Variants in BAIAP2 observed in about 807,000 individuals in gnomAD.
BAIAP2 encodes BAR/IMD domain containing adaptor protein 2.
In BAIAP2, 18 loss-of-function variants were observed where a neutral mutation model predicts 63.0. The ratio of observed to expected loss-of-function variants is 0.29; its 90% CI spans 0.20 to 0.42. The LOEUF (loss-of-function observed/expected upper bound fraction) is 0.42. BAIAP2 is among the 10% of genes least tolerant of loss of function. The pLI is 1.00. For missense variants in BAIAP2, 610 were observed against 734.3 expected (o/e 0.83, Z 1.96); for synonymous variants, 386 against 307.6 (o/e 1.25, Z -2.67).
intron 3 of BAIAP2, among the ~76,000 whole-genome samples, chr17:81,062,917 C>G (rs1182443310): frequency 2.7e-5 from 4 of 147,722 alleles, no homozygotes; most frequent in East Asian, 4.0e-4. Flanking sequence ...TTACTTCCCC[C>G]CCGCCCCCCC....
At chr17:81,112,408 G>A (rs2060025165) in intron 13 of BAIAP2, among the ~76,000 whole-genome samples, 1 of 152,230 alleles carries the variant, frequency 6.6e-6, no homozygotes, top group African/African-American at 2.4e-5. Flanking sequence ...AGCTGGGATT[G>A]GGGGTGTCGA....
chr17:81,085,062 C>G (rs146503123), intron 4 of BAIAP2, 169 bp downstream of exon 4: 2 of 701,316 alleles, frequency 2.9e-6, no homozygotes, highest in Non-Finnish European at 4.9e-6. Flanking sequence ...AGGAGGACGT[C>G]GGAGAAAAGG....
chr17:81,116,062 C>T lies in BAIAP2; in HGVS notation c.*223C>T, dbSNP rs2060512668. 3 of 1,470,094 alleles carry T rather than the reference C, an allele frequency of 2.0e-6. No homozygotes were observed. The highest frequency in any genetic ancestry group is 2.7e-6 in the Non-Finnish European group (3 of 1,114,308). 91.1% of individuals were successfully genotyped at this position (1,470,094 alleles called of 1,614,324 possible). A position where few individuals can be genotyped will look rare whatever the true frequency, so the allele number is the denominator to read the frequency against. On this transcript the variant is annotated 3_prime_UTR_variant, in exon 14 of 14. Coordinates refer to ENST00000428708, the MANE Select transcript of BAIAP2 (RefSeq NM_001144888.2). ...GGGCGAGACCCAGTGGCTGGGCTGC[C>T]CAGGGCTGAGGGGCCGCCTCTTGAG...
chr17:81,101,610 C>T (rs1249335557), intron 7 of BAIAP2, among the ~76,000 whole-genome samples: 1 of 151,288 alleles, frequency 6.6e-6, no homozygotes, highest in African/African-American at 2.4e-5. Flanking sequence ...CCACCCACCA[C>T]ACTCTCATGT....
rs150077747 is a variant in BAIAP2 at position 81,036,592 on chromosome 17, C to T, written c.54+1284C>T. On this transcript the variant is annotated intron_variant, in intron 1 of 13. Transcript: ENST00000428708. ...TTCAATAAAGCTTGTGAAGTTGGGG[C>T]CGCGTCAGTCTGGAAGGTTTCTGAA... 5.0e-3 allele frequency among the ~76,000 whole-genome samples: 756 copies of T among 152,336 alleles called. 1 individual carries two copies. The highest frequency in any genetic ancestry group is 0.02 in the Middle Eastern group (6 of 294).
chr17:81,078,568 C>T (rs1281389446), intron 3 of BAIAP2, among the ~76,000 whole-genome samples: 4 of 140,154 alleles, frequency 2.9e-5, no homozygotes, highest in African/African-American at 1.1e-4. Flanking sequence ...GTGCAGGTGC[C>T]ATCTCCGAGC....
rs564869540 is a variant in BAIAP2, at chr17:81,104,471, G to A, written c.1067-43G>A. 4.0e-5 allele frequency: 62 copies of A among 1,538,826 alleles called. 1 individual carries two copies. The South Asian group carries it at 5.7e-4, about 14-fold the overall frequency. ...CAGACTCCCTGGGCTTTGCTGCCCC[G>A]CCAGCCAGGGGCAGTCCCCTTACCT... On this transcript the variant is annotated intron_variant, in intron 9 of 13. Transcript: ENST00000428708.
At chr17:81,094,965 G>C (rs892264220) in intron 6 of BAIAP2, among the ~76,000 whole-genome samples, 1 of 152,238 alleles carries the variant, frequency 6.6e-6, no homozygotes, top group East Asian at 1.9e-4. Flanking sequence ...AGCCGCCTTG[G>C]TTTTTTCTGG....
intron 3 of BAIAP2, among the ~76,000 whole-genome samples, chr17:81,071,896 G>A (rs760763186): frequency 3.3e-5 from 5 of 152,204 alleles, no homozygotes; most frequent in Admixed American, 6.5e-5. Context: ...CGGAGGCGCC[G>A]GAGCATGCAG....
intron 3 of BAIAP2, among the ~76,000 whole-genome samples, chr17:81,074,421 A>G (rs2053265649): frequency 7.2e-6 from 1 of 138,910 alleles, no homozygotes; most frequent in African/African-American, 2.7e-5. Flanking sequence ...GATGCGTGTG[A>G]GTACGTGTGT....
intron 7 of BAIAP2, among the ~76,000 whole-genome samples, chr17:81,100,621 C>T (rs1279940675): frequency 6.6e-6 from 1 of 152,176 alleles, no homozygotes; most frequent in Non-Finnish European, 1.5e-5. Flanking sequence ...CACTGGGCCC[C>T]TAGGCCACCC....
chr17:81,103,273 G>C (rs1229909194), intron 7 of BAIAP2, among the ~76,000 whole-genome samples: 1 of 152,242 alleles, frequency 6.6e-6, no homozygotes, highest in Non-Finnish European at 1.5e-5. Context: ...CTCATCCCTG[G>C]AGGTCCCCCG....
intron 3 of BAIAP2, among the ~76,000 whole-genome samples, chr17:81,058,549 C>T (rs2050014676): frequency 6.6e-6 from 1 of 152,220 alleles, no homozygotes; most frequent in South Asian, 2.1e-4. Flanking sequence ...CTTCCACAGT[C>T]CCCTCACCTA....
rs60972273 is a variant in BAIAP2, at chr17:81,057,973, ACCCCCCC to A, written c.217+16_217+22del. 147 of 765,542 alleles carry A rather than the reference ACCCCCCC, an allele frequency of 1.9e-4. 3 individuals carry two copies. The highest frequency in any genetic ancestry group is 6.2e-4 in the African/African-American group (14 of 22,708). 47.4% of individuals were successfully genotyped at this position (765,542 alleles called of 1,614,324 possible). ...CCAGGGCTCCAAAGAACTCGGTGAG[ACCCCCCC>A]CCCCCCCCCGCCTGGTAGTCGCCTG... On this transcript the variant is annotated splice_region_variant and intron_variant, in intron 3 of 13. Transcript: ENST00000428708.
intron 13 of BAIAP2, among the ~76,000 whole-genome samples, chr17:81,114,398 A>G (rs900396556): frequency 6.6e-6 from 1 of 152,050 alleles, no homozygotes; most frequent in African/African-American, 2.4e-5. Context: ...GGCAGACATC[A>G]GTGATGGAGG....
chr17:81,086,359 C>T (rs2055644696), intron 5 of BAIAP2, 84 bp from the exon 6 acceptor site: 11 of 1,547,286 alleles, frequency 7.1e-6, no homozygotes, highest in East Asian at 6.8e-5. Context: ...GCGTTGGGCT[C>T]ATGGGCCTCG....
chr17:81,059,928 G>A (rs1057202313), intron 3 of BAIAP2, among the ~76,000 whole-genome samples: 2 of 152,174 alleles, frequency 1.3e-5, no homozygotes, highest in African/African-American at 4.8e-5. Context: ...TCCTGTTGGC[G>A]GAGTCCCTGG....
At chr17:81,082,297 C>T (rs749333508) in intron 3 of BAIAP2, among the ~76,000 whole-genome samples, 8 of 152,136 alleles carry the variant, frequency 5.3e-5, no homozygotes, top group Non-Finnish European at 1.0e-4. Context: ...TAGACATGCA[C>T]GCACATATGT....
chr17:81,063,378 C>T (rs1176318094), intron 3 of BAIAP2, among the ~76,000 whole-genome samples: 1 of 152,228 alleles, frequency 6.6e-6, no homozygotes, highest in South Asian at 2.1e-4. Flanking sequence ...TTCGTTTTCA[C>T]TGCTGTAGAA....
Sources: allele counts gnomAD v4.1 joint callset (sites outside exome capture counted in the v4.1 genomes callset), GRCh38; gene constraint gnomAD v4.1.1; transcripts MANE v1.5; gene names NCBI Gene and HGNC (gene_info 2026-07-23, HGNC 2026-07-21).